The following NXPH2 variants were observed in gnomAD, a reference collection of about 807,000 sequenced individuals.
The protein encoded by NXPH2 is neurexophilin-2.
NXPH2 carries 5 observed loss-of-function variants against 19.8 expected under a neutral mutation model. That is an observed-to-expected ratio of 0.25 (90% CI 0.13 to 0.53). The LOEUF (loss-of-function observed/expected upper bound fraction) is 0.53. NXPH2 is among the 20% of genes least tolerant of loss of function. NXPH2 has a pLI of 0.96. For synonymous variants in NXPH2, 154 were observed against 127.4 expected (o/e 1.21, Z -1.41); for missense variants, 289 against 322.8 (o/e 0.90, Z 0.80).
intron 1 of NXPH2, among the ~76,000 whole-genome samples, chr2:138,739,292 C>G (rs762066549): frequency 4.6e-5 from 7 of 152,122 alleles, no homozygotes; most frequent in Non-Finnish European, 1.0e-4. Flanking sequence ...GGCCACAGCC[C>G]CAGTGTGAAT....
At position 138,728,473 on chromosome 2, in the gene NXPH2, T is replaced by C. The variant is rs187109070; in HGVS notation, c.51+51718A>G. On this transcript the variant is annotated intron_variant, in intron 1 of 1. Transcript: ENST00000272641. ...AATAACATGTATCTGATAAGGACTA[T>C]TTGGATTAAGAAGAATGACATTTAA... Among the ~76,000 whole-genome samples, 3 of 152,350 alleles carry C rather than the reference T, an allele frequency of 2.0e-5. No individual in the cohort carries two copies. The East Asian group carries it at 5.8e-4, about 29-fold the overall frequency.
chr2:138,754,886 A>C (rs954355922), intron 1 of NXPH2, among the ~76,000 whole-genome samples: 1 of 152,076 alleles, frequency 6.6e-6, no homozygotes, highest in South Asian at 2.1e-4. Flanking sequence ...TGGTATTGTT[A>C]GATTTTGGTG....
chr2:138,704,167 T>G (rs2104983822), intron 1 of NXPH2, among the ~76,000 whole-genome samples: 1 of 152,360 alleles, frequency 6.6e-6, no homozygotes, highest in South Asian at 2.1e-4. Context: ...CTATGTGCTT[T>G]GGGAGCACCC....
At chr2:138,748,635 C>T (rs1681778866) in intron 1 of NXPH2, among the ~76,000 whole-genome samples, 2 of 152,078 alleles carry the variant, frequency 1.3e-5, no homozygotes, top group Non-Finnish European at 2.9e-5. Context: ...TACACACATG[C>T]ACACACATAC....
At chr2:138,733,287 C>T (rs1488864881) in intron 1 of NXPH2, among the ~76,000 whole-genome samples, 1 of 152,148 alleles carries the variant, frequency 6.6e-6, no homozygotes, top group Non-Finnish European at 1.5e-5. Context: ...AAACAAAAGG[C>T]CACTTTGTTA....
At chr2:138,745,288 C>T (rs903736887) in intron 1 of NXPH2, among the ~76,000 whole-genome samples, 1 of 152,182 alleles carries the variant, frequency 6.6e-6, no homozygotes, top group African/African-American at 2.4e-5. Flanking sequence ...AAATTGCTTT[C>T]TTAAGTAGTT....
chr2:138,711,914 A>T (rs1378854714), intron 1 of NXPH2, among the ~76,000 whole-genome samples: 2 of 152,294 alleles, frequency 1.3e-5, no homozygotes, highest in East Asian at 3.9e-4. Flanking sequence ...CACAGTTTGT[A>T]CCATTTGGCT....
At chr2:138,695,370 T>C (rs1170595703) in intron 1 of NXPH2, among the ~76,000 whole-genome samples, 1 of 152,162 alleles carries the variant, frequency 6.6e-6, no homozygotes, top group Non-Finnish European at 1.5e-5. Context: ...AAGTTTAGCA[T>C]TTCTATGAGT....
chr2:138,674,600 C>T (rs772004400), intron 1 of NXPH2, among the ~76,000 whole-genome samples: 5 of 152,164 alleles, frequency 3.3e-5, no homozygotes, highest in Non-Finnish European at 7.3e-5. Context: ...AATACTCTTA[C>T]TCATGATGTG....
intron 1 of NXPH2, among the ~76,000 whole-genome samples, chr2:138,690,851 T>C (rs958168704): frequency 6.6e-6 from 1 of 152,032 alleles, no homozygotes; most frequent in African/African-American, 2.4e-5. Context: ...ATTCAGAAAA[T>C]AAGTAGAAAC....
intron 1 of NXPH2, among the ~76,000 whole-genome samples, chr2:138,697,279 C>G (rs1290521295): frequency 6.6e-6 from 1 of 151,948 alleles, no homozygotes; most frequent in East Asian, 1.9e-4. Context: ...TTTGTCAAAA[C>G]TTTTGAAAAT....
intron 1 of NXPH2, among the ~76,000 whole-genome samples, chr2:138,682,018 G>A (rs982912866): frequency 6.6e-6 from 1 of 152,096 alleles, no homozygotes; most frequent in East Asian, 1.9e-4. Flanking sequence ...AATAATAAAA[G>A]GTGGTTCAAA....
At chr2:138,673,997 T>C (rs1351710378) in intron 1 of NXPH2, among the ~76,000 whole-genome samples, 1 of 152,112 alleles carries the variant, frequency 6.6e-6, no homozygotes, top group East Asian at 1.9e-4. Context: ...TATTTATTTA[T>C]TTTTAGAGAC....
intron 1 of NXPH2, among the ~76,000 whole-genome samples, chr2:138,679,980 A>G (rs1349287057): frequency 6.6e-6 from 1 of 152,074 alleles, no homozygotes; most frequent in East Asian, 1.9e-4. Flanking sequence ...AAGATCTGTC[A>G]CTGCGTCCTC....
At chr2:138,672,449 G>GT (rs1290196599) in intron 1 of NXPH2, among the ~76,000 whole-genome samples, 2 of 152,088 alleles carry the variant, frequency 1.3e-5, no homozygotes, top group African/African-American at 4.8e-5. Context: ...CCACCGAAAC[G>GT]TAAGACTTTA....
chr2:138,734,558 C>T (rs1681509759), intron 1 of NXPH2, among the ~76,000 whole-genome samples: 1 of 152,136 alleles, frequency 6.6e-6, no homozygotes, highest in African/African-American at 2.4e-5. Context: ...AAAAGGAATA[C>T]CTCCTTGTAG....
chr2:138,748,299 G>A (rs1681772857), intron 1 of NXPH2, among the ~76,000 whole-genome samples: 2 of 152,190 alleles, frequency 1.3e-5, no homozygotes, highest in Non-Finnish European at 2.9e-5. Flanking sequence ...GAGGACTGCT[G>A]TAAGGCTTTC....
chr2:138,757,463 G>A (rs1681929727), intron 1 of NXPH2, among the ~76,000 whole-genome samples: 1 of 152,072 alleles, frequency 6.6e-6, no homozygotes, highest in Non-Finnish European at 1.5e-5. Context: ...CTGAAGAAGG[G>A]CCCTAGCTTC....
At chr2:138,740,155 C>A (rs1681620885) in intron 1 of NXPH2, among the ~76,000 whole-genome samples, 1 of 152,132 alleles carries the variant, frequency 6.6e-6, no homozygotes, top group African/African-American at 2.4e-5. Flanking sequence ...AATGACCTGG[C>A]CACAGGAGAT....
Sources: allele counts gnomAD v4.1 joint callset (sites outside exome capture counted in the v4.1 genomes callset), GRCh38; gene constraint gnomAD v4.1.1; transcripts MANE v1.5; gene names NCBI Gene and HGNC (gene_info 2026-07-23, HGNC 2026-07-21).